The following GPC3 variants were observed in gnomAD, a reference collection of about 807,000 sequenced individuals.
The protein encoded by GPC3 is glypican 3.
Under a neutral mutation model 34.4 loss-of-function variants are expected in GPC3, and 3 were observed. That is an observed-to-expected ratio of 0.09 (90% CI 0.04 to 0.23). The LOEUF (loss-of-function observed/expected upper bound fraction) is 0.23, where lower values mean the gene tolerates loss of function less well. Ranked by LOEUF, GPC3 falls within the 10% of genes least tolerant of loss-of-function variation. GPC3 has a pLI of 1.00. For synonymous variants in GPC3, 177 were observed against 174.0 expected (o/e 1.02, Z -0.13); for missense variants, 351 against 445.6 (o/e 0.79, Z 1.91).
In GPC3 at chrX:133,919,869, CTG is replaced by C. The variant is rs766365315; in HGVS notation, c.337+33179_337+33180del. Among the ~76,000 whole-genome samples, 7 of 107,499 alleles carry C rather than the reference CTG, an allele frequency of 6.5e-5. No homozygotes were observed. The East Asian group carries it at 2.1e-3, about 32-fold the overall frequency. The allele number at this position is 107,499 out of a possible 115,157, so 93.3% of individuals were successfully genotyped here. On this transcript the variant is annotated intron_variant, in intron 2 of 7. Transcript: ENST00000370818. ...AAAAAAAAAAAAATCTGAGTTGAAA[CTG>C]AGATTCTGCCGGGTACAGTGGCTCA...
rs1044369413 is a variant in GPC3 at position 133,627,311 on chromosome X, T to TA, written c.1414-30713dup. ...ACATGTACCCTAAAACTTAAAAGTA[T>TA]AAAAAAAAAGAGTTCAGTAAATAGT... On this transcript the variant is annotated intron_variant, in intron 6 of 7. Transcript: ENST00000370818. 6.4e-5 allele frequency among the ~76,000 whole-genome samples: 7 copies of TA among 108,859 alleles called. No individual in the cohort carries two copies. In the East Asian group the frequency reaches 8.7e-4, roughly 14 times the overall value. 94.5% of individuals were successfully genotyped at this position (108,859 alleles called of 115,157 possible).
At chrX:133,822,967 A>G (rs891955827) in intron 2 of GPC3, among the ~76,000 whole-genome samples, 2 of 107,342 alleles carry the variant, frequency 1.9e-5, no homozygotes, top group Non-Finnish European at 3.8e-5. Context: ...GGTCTCTACT[A>G]AAAATACAAA....
intron 3 of GPC3, among the ~76,000 whole-genome samples, chrX:133,724,002 A>C (rs2071389831): frequency 8.9e-6 from 1 of 112,373 alleles, no homozygotes; most frequent in Admixed American, 9.4e-5. Flanking sequence ...TCTCATAACT[A>C]ACACTTAGGT....
chrX:133,626,262 C>G (rs1179465293), intron 6 of GPC3, among the ~76,000 whole-genome samples: 1 of 111,772 alleles, frequency 8.9e-6, no homozygotes, highest in Non-Finnish European at 1.9e-5. Flanking sequence ...TGGGCAAGGA[C>G]TTTATGACTA....
At chrX:133,701,288 C>T (rs765806831) in intron 3 of GPC3, among the ~76,000 whole-genome samples, 2 of 111,742 alleles carry the variant, frequency 1.8e-5, no homozygotes, top group East Asian at 2.8e-4. Flanking sequence ...TTGTGCCAGA[C>T]ACTATGCCAA....
chrX:133,882,928 G>T, intron 2 of GPC3, among the ~76,000 whole-genome samples: 2 of 110,921 alleles, frequency 1.8e-5, no homozygotes, highest in African/African-American at 6.6e-5. Context: ...CCCTTCCCCA[G>T]ATGGCCTAAG....
chrX:133,684,171 C>T (rs1182492234), intron 5 of GPC3, among the ~76,000 whole-genome samples: 1 of 112,297 alleles, frequency 8.9e-6, no homozygotes, highest in African/African-American at 3.2e-5. Flanking sequence ...CTCAGGCTAA[C>T]ATAGCAGTTC....
intron 6 of GPC3, among the ~76,000 whole-genome samples, chrX:133,634,710 G>A (rs1004739062): frequency 5.4e-5 from 6 of 112,049 alleles, no homozygotes; most frequent in African/African-American, 1.9e-4. Context: ...ACAGGCCTAT[G>A]GGGCAACTTG....
intron 5 of GPC3, among the ~76,000 whole-genome samples, chrX:133,687,092 AT>A (rs775110101): frequency 1.7e-3 from 116 of 69,234 alleles, no homozygotes; most frequent in Middle Eastern, 8.8e-3. Context: ...TGGCCGGCTA[AT>A]TTTTTTTTTT....
At chrX:133,807,866 A>G (rs891320606) in intron 2 of GPC3, among the ~76,000 whole-genome samples, 4 of 112,566 alleles carry the variant, frequency 3.6e-5, no homozygotes, top group African/African-American at 1.3e-4. Context: ...TTAGAAATGT[A>G]CATTGCTTGG....
intron 3 of GPC3, among the ~76,000 whole-genome samples, chrX:133,752,215 C>T (rs2071673725): frequency 1.8e-5 from 2 of 111,242 alleles, no homozygotes; most frequent in South Asian, 7.6e-4. Flanking sequence ...ATGTTTCTAG[C>T]ATAAAGACAA....
intron 6 of GPC3, among the ~76,000 whole-genome samples, chrX:133,623,956 T>C (rs2070265150): frequency 8.9e-6 from 1 of 111,968 alleles, no homozygotes; most frequent in South Asian, 3.7e-4. Flanking sequence ...TTTAACAAAC[T>C]GTCTCTCAGA....
At chrX:133,833,708 C>T (rs2075787347) in intron 2 of GPC3, among the ~76,000 whole-genome samples, 1 of 112,437 alleles carries the variant, frequency 8.9e-6, no homozygotes, top group South Asian at 3.7e-4. Flanking sequence ...TATGCACTGA[C>T]CGCCTATTAA....
chrX:133,566,450 T>C (rs891638718), intron 7 of GPC3, among the ~76,000 whole-genome samples: 1 of 111,316 alleles, frequency 9.0e-6, no homozygotes, highest in Non-Finnish European at 1.9e-5. Flanking sequence ...TAGGGCTTGT[T>C]TGGCTTTTCT....
chrX:133,951,438 C>T (rs988251363), intron 2 of GPC3, among the ~76,000 whole-genome samples: 2 of 110,801 alleles, frequency 1.8e-5, no homozygotes, highest in African/African-American at 6.6e-5. Context: ...TGTAAGGTAA[C>T]ATCTGTGAGC....
chrX:133,655,464 T>A (rs2070647527), intron 6 of GPC3, among the ~76,000 whole-genome samples: 1 of 106,040 alleles, frequency 9.4e-6, no homozygotes, highest in African/African-American at 3.6e-5. Flanking sequence ...AGGTACTCTG[T>A]CCTTCACACA....
intron 2 of GPC3, among the ~76,000 whole-genome samples, chrX:133,876,971 A>G (rs1220771858): frequency 8.9e-6 from 1 of 111,858 alleles, no homozygotes; most frequent in Non-Finnish European, 1.9e-5. Context: ...TCCTGACAGA[A>G]CTAATCTTTT....
chrX:133,751,846 A>T (rs1460988089), intron 3 of GPC3, among the ~76,000 whole-genome samples: 1 of 111,287 alleles, frequency 9.0e-6, no homozygotes, highest in African/African-American at 3.3e-5. Flanking sequence ...GTGTATAGTA[A>T]TCTATCATAT....
intron 5 of GPC3, among the ~76,000 whole-genome samples, chrX:133,667,719 C>T (rs1430810675): frequency 1.8e-5 from 2 of 108,339 alleles, no homozygotes; most frequent in East Asian, 3.0e-4. Context: ...GGCATGTTGC[C>T]GTGTGCATGT....
Sources: allele counts gnomAD v4.1 joint callset (sites outside exome capture counted in the v4.1 genomes callset), GRCh38; gene constraint gnomAD v4.1.1; transcripts MANE v1.5; gene names NCBI Gene and HGNC (gene_info 2026-07-23, HGNC 2026-07-21).